Variants in NECTIN3 observed in about 807,000 individuals in gnomAD.
NECTIN3 encodes nectin-3.
In NECTIN3, 8 loss-of-function variants were observed where a neutral mutation model predicts 49.4. The ratio of observed to expected loss-of-function variants is 0.16; its 90% CI spans 0.10 to 0.29. The LOEUF (loss-of-function observed/expected upper bound fraction) is 0.29, where lower values mean the gene tolerates loss of function less well. Among genes scored for constraint, NECTIN3 ranks in the 10% least tolerant of loss-of-function variants. The pLI, the probability that NECTIN3 is intolerant of heterozygous loss-of-function variation, is 1.00. For missense variants in NECTIN3, 581 were observed against 654.6 expected (o/e 0.89, Z 1.23); for synonymous variants, 277 against 241.1 (o/e 1.15, Z -1.38).
chr3:111,140,077 G>C (rs1024336557), downstream of NECTIN3, among the ~76,000 whole-genome samples: 2 of 151,784 alleles, frequency 1.3e-5, no homozygotes, highest in Admixed American at 1.3e-4. Flanking sequence ...AGTGCATGTT[G>C]ATATTTGGTT....
intron 7 of NECTIN3, among the ~76,000 whole-genome samples, chr3:111,179,148 T>C (rs1411522871): frequency 1.3e-5 from 2 of 152,238 alleles, no homozygotes; most frequent in Non-Finnish European, 2.9e-5. Context: ...GTTGCCATTA[T>C]TGAGCCAACT....
At position 111,134,735 on chromosome 3, in the gene NECTIN3, TC is replaced by T. The variant is rs762759119; in HGVS notation, c.*522del. ...AATATTTAGCCTGATGGAATGGCTT[TC>T]CTTTTCAAACATTATTTTCTAAGTT... On this transcript the variant is annotated 3_prime_UTR_variant, in exon 6 of 6. Coordinates refer to ENST00000485303, the MANE Select transcript of NECTIN3 (RefSeq NM_015480.3). 2 of 923,874 alleles carry T rather than the reference TC, an allele frequency of 2.2e-6. No homozygotes were observed. The highest frequency in any genetic ancestry group is 2.6e-6 in the Non-Finnish European group (2 of 774,156). 57.2% of individuals were successfully genotyped at this position (923,874 alleles called of 1,614,324 possible).
intron 7 of NECTIN3, among the ~76,000 whole-genome samples, chr3:111,150,022 A>G (rs1009009298): frequency 6.6e-6 from 1 of 152,038 alleles, no homozygotes; most frequent in African/African-American, 2.4e-5. Context: ...AGGAAAACAT[A>G]TATAGTATTT....
intron 5 of NECTIN3, among the ~76,000 whole-genome samples, chr3:111,143,109 A>G (rs1388409473): frequency 6.6e-6 from 1 of 151,792 alleles, no homozygotes; most frequent in East Asian, 1.9e-4. Flanking sequence ...TATAATCTAT[A>G]TGGTGGGGAA....
chr3:111,167,673 A>C (rs906885817), intron 7 of NECTIN3, among the ~76,000 whole-genome samples: 1 of 152,112 alleles, frequency 6.6e-6, no homozygotes, highest in African/African-American at 2.4e-5. Context: ...TGGTAGGTAA[A>C]TGGGTATTAG....
chr3:111,102,042 C>A (rs2032933746), intron 1 of NECTIN3, among the ~76,000 whole-genome samples: 3 of 152,062 alleles, frequency 2.0e-5, no homozygotes, highest in Non-Finnish European at 2.9e-5. Context: ...ATGATACTGT[C>A]CCTTATAATT....
At chr3:111,147,284 A>C (rs1472967288) in intron 6 of NECTIN3, 1 of 705,294 alleles carries the variant, frequency 1.4e-6, no homozygotes, top group Non-Finnish European at 2.3e-6. Context: ...GGCTAGAGTA[A>C]ATATTATCTA....
upstream of NECTIN3, among the ~76,000 whole-genome samples, chr3:111,187,867 G>A (rs970301327): frequency 1.3e-5 from 2 of 152,142 alleles, no homozygotes; most frequent in African/African-American, 4.8e-5. Context: ...AGAGTAGATC[G>A]TGTCATGATC....
At position 111,135,890 on chromosome 3, in the gene NECTIN3, TTATAAGGCTGTAGTATCAGGTTAA is replaced by T. The variant is rs1382587347; in HGVS notation, c.*1676_*1699del. ...TTTCTCTTCCCAAAAGTAATACTTATTATAAGGCTGTAGTATCAGGTTAAGGATACAGATAAATAAAGTTCACTT... is the reference window on the plus strand; with the variant it reads ...TTTCTCTTCCCAAAAGTAATACTTATGGATACAGATAAATAAAGTTCACTT... On this transcript the variant is annotated 3_prime_UTR_variant, in exon 6 of 6. Transcript: ENST00000485303. 2 of 822,664 alleles carry T rather than the reference TTATAAGGCTGTAGTATCAGGTTAA, an allele frequency of 2.4e-6. No individual in the cohort carries two copies. Among genetic ancestry groups the T allele is most frequent in the Non-Finnish European group, 2.8e-6 (2 of 726,112 alleles). 51.0% of individuals were successfully genotyped at this position (822,664 alleles called of 1,614,324 possible).
At chr3:111,074,703 T>A (rs188213363) in intron 1 of NECTIN3, among the ~76,000 whole-genome samples, 305 of 150,924 alleles carry the variant, frequency 2.0e-3, no homozygotes, top group African/African-American at 7.2e-3. Flanking sequence ...ATTGCCAGAT[T>A]TTTTTTTTGT....
At chr3:111,114,021 C>T (rs1351489855) in intron 2 of NECTIN3, among the ~76,000 whole-genome samples, 1 of 152,022 alleles carries the variant, frequency 6.6e-6, no homozygotes, top group Non-Finnish European at 1.5e-5. Flanking sequence ...AAGTACTTTG[C>T]ATATGAAAGA....
chr3:111,163,727 A>G (rs116233521), intron 7 of NECTIN3, among the ~76,000 whole-genome samples: 1,526 of 152,314 alleles, frequency 0.01, 34 homozygotes, highest in African/African-American at 0.033. Flanking sequence ...AAGGAAGGCT[A>G]TGAGAGGGAA....
chr3:111,151,900 C>G (rs920116758), intron 7 of NECTIN3, among the ~76,000 whole-genome samples: 1 of 151,590 alleles, frequency 6.6e-6, no homozygotes, highest in African/African-American at 2.4e-5. Context: ...TACAGATAAC[C>G]ACTTTTATTA....
intron 4 of NECTIN3, among the ~76,000 whole-genome samples, 165 bp downstream of exon 4, chr3:111,122,403 C>G (rs1036220520): frequency 6.6e-6 from 1 of 152,048 alleles, no homozygotes; most frequent in Non-Finnish European, 1.5e-5. Flanking sequence ...CTTCCTACCC[C>G]CTCAGTTCTG....
chr3:111,147,692 A>G (rs2034908310), intron 7 of NECTIN3, among the ~76,000 whole-genome samples: 1 of 152,232 alleles, frequency 6.6e-6, no homozygotes, highest in African/African-American at 2.4e-5. Flanking sequence ...TCTCTGAAAC[A>G]TTTAAGAGAT....
At chr3:111,079,915 C>T (rs2031485505) in intron 1 of NECTIN3, among the ~76,000 whole-genome samples, 1 of 151,968 alleles carries the variant, frequency 6.6e-6, no homozygotes, top group African/African-American at 2.4e-5. Flanking sequence ...ATATTAAAAG[C>T]AGAGTGAACT....
intron 7 of NECTIN3, among the ~76,000 whole-genome samples, chr3:111,159,263 C>T (rs1272868180): frequency 6.6e-6 from 1 of 152,096 alleles, no homozygotes; most frequent in Non-Finnish European, 1.5e-5. Context: ...AGTCCAAACA[C>T]CAATATTGTC....
At chr3:111,176,140 G>T (rs1195701749) in intron 7 of NECTIN3, among the ~76,000 whole-genome samples, 1 of 152,174 alleles carries the variant, frequency 6.6e-6, no homozygotes, top group Non-Finnish European at 1.5e-5. Flanking sequence ...TGAATTACGT[G>T]TACATGAAGA....
At chr3:111,077,893 G>A (rs972611442) in intron 1 of NECTIN3, among the ~76,000 whole-genome samples, 2 of 152,118 alleles carry the variant, frequency 1.3e-5, no homozygotes, top group South Asian at 2.1e-4. Context: ...TATAATGCAA[G>A]CCATGTAATT....
Sources: gnomAD v4.1 joint callset for allele counts (sites outside exome capture counted in the v4.1 genomes callset) on GRCh38, gnomAD v4.1.1 for gene constraint, MANE v1.5 for transcripts, NCBI Gene and HGNC (gene_info 2026-07-23, HGNC 2026-07-21) for gene names.